Variants in ADCY2 observed in about 807,000 individuals in gnomAD.
ADCY2 encodes adenylate cyclase type 2.
Under a neutral mutation model 125.2 loss-of-function variants are expected in ADCY2, and 31 were observed. The observed-to-expected ratio is 0.25, with a 90% CI of 0.19 to 0.33. The LOEUF (loss-of-function observed/expected upper bound fraction) is 0.33. Ranked by LOEUF, ADCY2 falls within the 10% of genes least tolerant of loss-of-function variation. The pLI is 1.00. For missense variants in ADCY2, 904 were observed against 1,418.2 expected, an observed-to-expected ratio of 0.64 and a Z score of 5.82; for synonymous variants, 512 against 548.4, an observed-to-expected ratio of 0.93 and a Z score of 0.93.
intron 18 of ADCY2, among the ~76,000 whole-genome samples, chr5:7,784,025 T>G (rs1233330241): frequency 2.0e-5 from 3 of 152,190 alleles, no homozygotes; most frequent in Middle Eastern, 3.2e-3. Context: ...TTTCCGAGAG[T>G]AATGATGAAA....
chr5:7,804,040 A>AGAGAGAG (rs1744682437), intron 21 of ADCY2, among the ~76,000 whole-genome samples: 1 of 106,586 alleles, frequency 9.4e-6, no homozygotes. Flanking sequence ...GGAGGGGGGA[A>AGAGAGAG]AGAGAGAGAG....
At chr5:7,561,621 T>C (rs553817911) in intron 3 of ADCY2, among the ~76,000 whole-genome samples, 1 of 151,242 alleles carries the variant, frequency 6.6e-6, no homozygotes, top group Admixed American at 6.6e-5. Flanking sequence ...TGTTAAAATG[T>C]ATAAATAATT....
intron 3 of ADCY2, among the ~76,000 whole-genome samples, chr5:7,597,042 A>C (rs551835508): frequency 1.3e-5 from 2 of 152,286 alleles, no homozygotes; most frequent in South Asian, 4.1e-4. Flanking sequence ...TAAGAACCCA[A>C]AAGATTTGTC....
intron 2 of ADCY2, among the ~76,000 whole-genome samples, chr5:7,483,714 A>G (rs1742820533): frequency 6.6e-6 from 1 of 152,104 alleles, no homozygotes; most frequent in African/African-American, 2.4e-5. Flanking sequence ...CCCTGTCCAC[A>G]GTCTCAGGCA....
At chr5:7,449,738 A>G (rs1262240193) in intron 2 of ADCY2, among the ~76,000 whole-genome samples, 4 of 152,190 alleles carry the variant, frequency 2.6e-5, no homozygotes, top group African/African-American at 4.8e-5. Context: ...TGAATTTTTT[A>G]CAAATTGAAT....
intron 12 of ADCY2, among the ~76,000 whole-genome samples, chr5:7,723,753 T>A (rs1741839120): frequency 6.6e-6 from 1 of 151,568 alleles, no homozygotes; most frequent in Non-Finnish European, 1.5e-5. Context: ...AAACCCCACC[T>A]CTACTAAAAA....
intron 2 of ADCY2, among the ~76,000 whole-genome samples, chr5:7,430,493 G>T: frequency 6.9e-6 from 1 of 144,008 alleles, no homozygotes; most frequent in African/African-American, 2.7e-5. Context: ...ATTTAATCTA[G>T]TAACACATAT....
intron 20 of ADCY2, chr5:7,801,572 G>A (rs1744595492): frequency 6.6e-6 from 1 of 152,160 alleles, no homozygotes; most frequent in South Asian, 2.1e-4. Context: ...ACTGTGTTGG[G>A]AAAATTATGG....
chr5:7,396,482 C>G lies in ADCY2; in HGVS notation c.186C>G (p.Leu62=). ...LIVMGSCLAL[L]AVFFALGLEV... ...TCATGGGCTCCTGCCTCGCCCTGCT[C>G]GCCGTCTTCTTCGCGCTCGGGCTGG... The change falls in exon 1 of 25, where the codon CTC becomes CTG. Residue 62 remains leucine, a synonymous_variant. Coordinates refer to ENST00000338316, the MANE Select transcript of ADCY2 (RefSeq NM_020546.3). The surrounding 1 kb of genome is among the most constrained non-coding windows in gnomAD (Gnocchi z 5.7). The G allele has an allele frequency of 6.4e-7, 1 of 1,567,998 alleles. No individual in the cohort carries two copies. The highest frequency in any genetic ancestry group is 8.6e-7 in the Non-Finnish European group (1 of 1,157,766).
chr5:7,530,292 A>AAAATGCTTTGGGAAATATG (rs1470592675), intron 3 of ADCY2, among the ~76,000 whole-genome samples: 2 of 152,218 alleles, frequency 1.3e-5, no homozygotes, highest in Admixed American at 6.5e-5. Context: ...AAATGGTGTA[A>AAAATGCTTTGGGAAATATG]AAATGCTTTG....
intron 4 of ADCY2, among the ~76,000 whole-genome samples, chr5:7,637,431 C>CAAAAAAAAAAAAAAAAAAAAAAA (rs71591740): frequency 1.3e-5 from 1 of 74,638 alleles, no homozygotes; most frequent in African/African-American, 4.3e-5. Flanking sequence ...GACTCCGTCT[C>CAAAAAAAAAAAAAAAAAAAAAAA]AAAAAAAAAA....
intron 4 of ADCY2, among the ~76,000 whole-genome samples, chr5:7,666,457 A>G (rs1739757798): frequency 6.6e-6 from 1 of 151,568 alleles, no homozygotes; most frequent in South Asian, 2.1e-4. Flanking sequence ...TTTAGTAGAG[A>G]TGGGGTTTCA....
At chr5:7,818,854 A>T (rs578190876) in intron 23 of ADCY2, among the ~76,000 whole-genome samples, 13 of 152,338 alleles carry the variant, frequency 8.5e-5, no homozygotes, top group African/African-American at 3.1e-4. Context: ...AAATAAAAAA[A>T]AATGTATTAC....
At chr5:7,611,252 A>G (rs1212962389) in intron 3 of ADCY2, 1 of 152,216 alleles carries the variant, frequency 6.6e-6, no homozygotes, top group Non-Finnish European at 1.5e-5. Flanking sequence ...AATATATTAA[A>G]TGTTTCTCAA....
chr5:7,558,057 AT>A (rs368436342), intron 3 of ADCY2, among the ~76,000 whole-genome samples: 8,819 of 145,984 alleles, frequency 0.06, 303 homozygotes, highest in Middle Eastern at 0.1. Context: ...TTTTGGTTTT[AT>A]TTTTTTTTTT....
chr5:7,715,937 C>T (rs1393075247), intron 11 of ADCY2, among the ~76,000 whole-genome samples: 1 of 152,154 alleles, frequency 6.6e-6, no homozygotes, highest in African/African-American at 2.4e-5. Flanking sequence ...TCTAATCAAC[C>T]ATAACACACA....
chr5:7,608,777 G>T (rs1737471775), intron 3 of ADCY2, among the ~76,000 whole-genome samples: 1 of 152,018 alleles, frequency 6.6e-6, no homozygotes, highest in African/African-American at 2.4e-5. Flanking sequence ...TCCCTCTTGG[G>T]GTGCTATGAC....
At chr5:7,807,449 A>G (rs548674627) in intron 22 of ADCY2, among the ~76,000 whole-genome samples, 3 of 152,172 alleles carry the variant, frequency 2.0e-5, no homozygotes, top group Non-Finnish European at 2.9e-5. Flanking sequence ...TTCTCTGAGC[A>G]TTCGTCCTAG....
At chr5:7,752,320 A>G (rs951774760) in intron 15 of ADCY2, among the ~76,000 whole-genome samples, 1 of 152,222 alleles carries the variant, frequency 6.6e-6, no homozygotes, top group African/African-American at 2.4e-5. Flanking sequence ...TTAAAATGCC[A>G]AAGTAGATGT....
Sources: allele counts gnomAD v4.1 joint callset (sites outside exome capture counted in the v4.1 genomes callset), GRCh38; gene constraint gnomAD v4.1.1; non-coding constraint Gnocchi (gnomAD v3.1); transcripts MANE v1.5; gene names NCBI Gene and HGNC (gene_info 2026-07-23, HGNC 2026-07-21).